Variants in COL4A1 observed in about 807,000 individuals in gnomAD.
COL4A1 encodes collagen type IV alpha 1 chain, also known as collagen alpha-1(IV) chain.
Under a neutral mutation model 216.6 loss-of-function variants are expected in COL4A1, and 40 were observed. The ratio of observed to expected loss-of-function variants is 0.18; its 90% confidence interval spans 0.14 to 0.24. The LOEUF is 0.24. COL4A1 is among the 10% of genes least tolerant of loss of function. The pLI, the probability that COL4A1 is intolerant of heterozygous loss-of-function variation, is 1.00. For missense variants in COL4A1, 1,628 were observed against 2,196.8 expected (o/e 0.74, Z 5.18); for synonymous variants, 839 against 810.7 (o/e 1.03, Z -0.59).
chr13:110,290,492 A>G (rs1216753905), intron 1 of COL4A1, among the ~76,000 whole-genome samples: 1 of 152,116 alleles, frequency 6.6e-6, no homozygotes, highest in African/African-American at 2.4e-5. Flanking sequence ...AACCCATAGC[A>G]TTCCTTCCAC....
chr13:110,170,985 C>T (rs982871396), intron 41 of COL4A1, among the ~76,000 whole-genome samples: 7 of 152,376 alleles, frequency 4.6e-5, no homozygotes, highest in Admixed American at 2.6e-4. Context: ...CGTTTTCATA[C>T]TTCTCACGAG....
chr13:110,212,689 CG>C (rs1879872549), intron 4 of COL4A1, 71 bp from the exon 5 acceptor site: 2 of 1,555,222 alleles, frequency 1.3e-6, no homozygotes, highest in Non-Finnish European at 1.8e-6. Flanking sequence ...TGCATCTCCC[CG>C]GTTAATGGAG....
At chr13:110,236,032 A>C (rs1449583590) in intron 2 of COL4A1, among the ~76,000 whole-genome samples, 1 of 152,242 alleles carries the variant, frequency 6.6e-6, no homozygotes, top group Non-Finnish European at 1.5e-5. Context: ...CTATGAAAAT[A>C]CCCTAAATTT....
intron 43 of COL4A1, 55 bp downstream of exon 43, chr13:110,169,574 C>T (rs889050045): frequency 6.2e-7 from 1 of 1,609,328 alleles, no homozygotes; most frequent in Admixed American, 1.7e-5. Flanking sequence ...CATATGAATA[C>T]TTCTGGCCAG....
chr13:110,165,049 AC>A, intron 45 of COL4A1, 59 bp from the exon 46 acceptor site: 1 of 1,575,282 alleles, frequency 6.3e-7, no homozygotes, highest in South Asian at 1.2e-5. Context: ...GGCGGAAACA[AC>A]TTTAGAAGGA....
chr13:110,210,402 C>T (rs182425194), intron 8 of COL4A1, among the ~76,000 whole-genome samples, 190 bp from the exon 9 acceptor site: 4 of 152,224 alleles, frequency 2.6e-5, no homozygotes, highest in African/African-American at 7.2e-5. Context: ...TAATGGCCAG[C>T]GTTAACCACT....
intron 4 of COL4A1, 83 bp downstream of exon 4, chr13:110,213,699 A>G: frequency 7.2e-7 from 1 of 1,384,042 alleles, no homozygotes; most frequent in South Asian, 1.2e-5. Context: ...GGGCAAGGAG[A>G]AAGGAGGGAA....
intron 50 of COL4A1, among the ~76,000 whole-genome samples, chr13:110,153,025 C>T (rs1292941035): frequency 1.3e-5 from 2 of 152,150 alleles, no homozygotes. Context: ...AAAATAGCTA[C>T]TACTATATCA....
intron 20 of COL4A1, among the ~76,000 whole-genome samples, chr13:110,200,075 A>G (rs1879108628): frequency 6.6e-6 from 1 of 152,228 alleles, no homozygotes; most frequent in Non-Finnish European, 1.5e-5. Flanking sequence ...AAACGGGGAT[A>G]AAAACAAAAA....
chr13:110,233,526 G>C (rs1881164546), intron 2 of COL4A1, among the ~76,000 whole-genome samples: 1 of 152,124 alleles, frequency 6.6e-6, no homozygotes, highest in Non-Finnish European at 1.5e-5. Flanking sequence ...ATAATAGCTA[G>C]ACCAAGCAAG....
intron 1 of COL4A1, among the ~76,000 whole-genome samples, chr13:110,286,331 C>T (rs1487281912): frequency 6.6e-6 from 1 of 152,186 alleles, no homozygotes; most frequent in African/African-American, 2.4e-5. Context: ...CTCGAAGCTC[C>T]TGAGGGTGGC....
chr13:110,266,124 G>A (rs1883023067), intron 1 of COL4A1: 1 of 152,232 alleles, frequency 6.6e-6, no homozygotes. Context: ...AAAGAATGAA[G>A]TCATGCCCCG....
chr13:110,180,073 C>T (rs1420105096), intron 29 of COL4A1, among the ~76,000 whole-genome samples: 1 of 152,140 alleles, frequency 6.6e-6, no homozygotes, highest in Non-Finnish European at 1.5e-5. Context: ...ATGATATTTC[C>T]AGAGAGGGAG....
chr13:110,210,978 C>T (rs865921987), intron 8 of COL4A1, among the ~76,000 whole-genome samples: 62 of 152,202 alleles, frequency 4.1e-4, no homozygotes, highest in African/African-American at 1.4e-3. Context: ...AGTTTCTCCT[C>T]TCTCTGGCCA....
At chr13:110,198,328 G>A (rs1259720538) in intron 21 of COL4A1, 139 bp downstream of exon 21, 12 of 863,222 alleles carry the variant, frequency 1.4e-5, no homozygotes, top group Non-Finnish European at 2.2e-5. Flanking sequence ...TCCCTTAGAG[G>A]AATATGGATG....
At chr13:110,192,972 G>T (rs1878712680) in intron 22 of COL4A1, 59 bp from the exon 23 acceptor site, 3 of 1,469,542 alleles carry the variant, frequency 2.0e-6, no homozygotes, top group Non-Finnish European at 1.9e-6. Flanking sequence ...TCTCCGCAGT[G>T]CACTGAGAGA....
intron 1 of COL4A1, among the ~76,000 whole-genome samples, chr13:110,249,006 G>C (rs1881959899): frequency 6.6e-6 from 1 of 152,042 alleles, no homozygotes; most frequent in Non-Finnish European, 1.5e-5. Context: ...GTGGCTGTGA[G>C]GCTCTGCAAA....
At position 110,172,707 on chromosome 13, in the gene COL4A1, G is replaced by C. The variant is rs759633084; in HGVS notation, c.3556+13C>G. The C allele has an allele frequency of 1.9e-6, 3 of 1,612,906 alleles. No individual in the cohort carries two copies. The Middle Eastern group carries it at 5.0e-4, about 266-fold the overall frequency. ...GTTGGTTGAAAAGGAAGAGCACAGT[G>C]AGCAAAGATTACCTTTGTCTCCTTT... On this transcript the variant is annotated intron_variant, in intron 41 of 51. Coordinates refer to ENST00000375820, the MANE Select transcript of COL4A1 (RefSeq NM_001845.6).
intron 49 of COL4A1, among the ~76,000 whole-genome samples, chr13:110,158,623 C>CT (rs1361864367): frequency 4.0e-5 from 6 of 151,618 alleles, no homozygotes; most frequent in Non-Finnish European, 7.4e-5. Context: ...AACTTTGTAT[C>CT]TTTTTTTATC....
Sources: gnomAD v4.1 joint callset for allele counts (sites outside exome capture counted in the v4.1 genomes callset) on GRCh38, gnomAD v4.1.1 for gene constraint, MANE v1.5 for transcripts, NCBI Gene and HGNC (gene_info 2026-07-23, HGNC 2026-07-21) for gene names.